The following HK1 variants were observed in gnomAD, a reference collection of about 807,000 sequenced individuals.
HK1 encodes hexokinase-1.
HK1 carries 28 observed loss-of-function variants against 91.6 expected under a neutral mutation model. The observed-to-expected ratio is 0.31, with a 90% confidence interval of 0.23 to 0.42. HK1 has a LOEUF of 0.42. HK1 is among the 10% of genes least tolerant of loss of function. HK1 has a pLI of 1.00. For synonymous variants in HK1, 430 were observed against 468.1 expected, an observed-to-expected ratio of 0.92 and a Z score of 1.05; for missense variants, 770 against 1,219.8, an observed-to-expected ratio of 0.63 and a Z score of 5.49.
intron 2 of HK1, among the ~76,000 whole-genome samples, chr10:69,347,657 A>G (rs536409004): frequency 1.3e-5 from 2 of 152,056 alleles, no homozygotes; most frequent in Non-Finnish European, 2.9e-5. Context: ...ACTGGTCTCG[A>G]ACTCCTGACC....
intron 5 of HK1, 54 bp downstream of exon 5, chr10:69,368,685 C>T: frequency 7.1e-7 from 1 of 1,415,510 alleles, no homozygotes; most frequent in South Asian, 1.2e-5. Flanking sequence ...GGGAGCAGGG[C>T]TGCATTCTAA....
At position 69,380,126 on chromosome 10, in the gene HK1, C is replaced by T. The variant is rs1839315799; in HGVS notation, c.1265+31C>T. ...TCTGCCCTTTGCTATCATTGGCACTCTGTACCCATTGTGGGTAGGGACCTT... is the reference window on the plus strand; with the variant it reads ...TCTGCCCTTTGCTATCATTGGCACTTTGTACCCATTGTGGGTAGGGACCTT... On this transcript the variant is annotated intron_variant, in intron 9 of 17. Transcript: ENST00000359426. The surrounding 1 kb of genome is among the most constrained non-coding windows in gnomAD (Gnocchi z 4.0). 1 of 1,555,562 alleles carries T rather than the reference C, an allele frequency of 6.4e-7. No homozygotes were observed. Among genetic ancestry groups the T allele is most frequent in the Non-Finnish European group, 8.9e-7 (1 of 1,126,548 alleles).
intron 7 of HK1, among the ~76,000 whole-genome samples, chr10:69,374,102 T>G (rs1333140891): frequency 6.6e-6 from 1 of 152,208 alleles, no homozygotes; most frequent in African/African-American, 2.4e-5. Flanking sequence ...GTTGAGTAAC[T>G]GTGCGCCTTC....
rs372257811 is a variant in HK1, at chr10:69,389,208, G to A, written c.1947G>A (p.Leu649=). The A allele has an allele frequency of 5.6e-6, 9 of 1,613,698 alleles. No individual in the cohort carries two copies. The Admixed American group carries it at 6.7e-5, about 12-fold the overall frequency. Reference sequence around the variant, plus strand: ...CTTTCTTTGCAAAGGAATTTGACCTGGACGTGGTGGCTGTGGTCAACGACA... The same window carrying A: ...CTTTCTTTGCAAAGGAATTTGACCTAGACGTGGTGGCTGTGGTCAACGACA... ...DAIKRREEFD[L]DVVAVVNDTV... The change falls in exon 14 of 18, where the codon CTG becomes CTA. Residue 649 remains leucine (L), a synonymous_variant. Transcript: ENST00000359426.
At chr10:69,329,130 A>AT (rs1054801214) in intron 1 of HK1, among the ~76,000 whole-genome samples, 67 of 147,960 alleles carry the variant, frequency 4.5e-4, no homozygotes, top group African/African-American at 1.3e-3. Flanking sequence ...TTGTGTGTGA[A>AT]TTTTTTTTTG....
intron 1 of HK1, among the ~76,000 whole-genome samples, chr10:69,329,160 T>TTCTTC (rs1554814161): frequency 6.6e-6 from 1 of 151,278 alleles, no homozygotes; most frequent in African/African-American, 2.4e-5. Context: ...GCTTTCTTTC[T>TTCTTC]TTCTTCTTCT....
chr10:69,303,225 T>C (rs569806566), intron 5 of HK1, among the ~76,000 whole-genome samples: 1 of 152,290 alleles, frequency 6.6e-6, no homozygotes, highest in East Asian at 1.9e-4. Flanking sequence ...ATGGGGCAGC[T>C]TGATGACAAG....
rs191849526 is a variant in HK1, at chr10:69,286,907, C to A, written c.-214-1764C>A. On this transcript the variant is annotated intron_variant, in intron 2 of 21. Transcript: ENST00000360289. ...CATCAGTGCCTCTGTCGAGGAAGCT[C>A]ATAGAGAAACCAGGGACAAATCCTA... is the stretch of plus-strand genomic sequence containing the variant. Among the ~76,000 whole-genome samples the A allele has an allele frequency of 3.3e-5, 5 of 152,246 alleles. No individual in the cohort carries two copies. In the East Asian group the frequency reaches 9.7e-4, roughly 29 times the overall value.
rs538381307 is a variant in HK1 at position 69,363,800 on chromosome 10, T to C, written c.376-983T>C. 2.5e-4 allele frequency among the ~76,000 whole-genome samples: 38 copies of C among 152,356 alleles called. No homozygotes were observed. The South Asian group carries it at 7.9e-3, about 32-fold the overall frequency. Reference sequence around the variant, plus strand: ...AAGCTAGGGACCCAGTGTTCCAGGCTCTTTCTAGCAGATTCCTAAGATATG... The same window carrying C: ...AAGCTAGGGACCCAGTGTTCCAGGCCCTTTCTAGCAGATTCCTAAGATATG... On this transcript the variant is annotated intron_variant, in intron 3 of 17. Coordinates refer to ENST00000359426, the MANE Select transcript of HK1 (RefSeq NM_000188.3).
intron 1 of HK1, among the ~76,000 whole-genome samples, chr10:69,325,616 C>T (rs1387756315): frequency 4.6e-5 from 7 of 150,794 alleles, no homozygotes; most frequent in Non-Finnish European, 8.8e-5. Context: ...ACCTCCATCT[C>T]GCGGGTTCAA....
At chr10:69,344,957 A>T (rs1432961176) in intron 2 of HK1, among the ~76,000 whole-genome samples, 5 of 151,876 alleles carry the variant, frequency 3.3e-5, no homozygotes, top group African/African-American at 1.2e-4. Context: ...TACAGCTTTC[A>T]CACACCCCTG....
chr10:69,318,569 T>C (rs998094197), upstream of HK1, among the ~76,000 whole-genome samples: 2 of 152,052 alleles, frequency 1.3e-5, no homozygotes, highest in Non-Finnish European at 2.9e-5. Flanking sequence ...CCGCATCGGC[T>C]CCCTACGTGG....
At chr10:69,290,887 A>G (rs1464137232) in intron 3 of HK1, among the ~76,000 whole-genome samples, 2 of 152,192 alleles carry the variant, frequency 1.3e-5, no homozygotes, top group East Asian at 3.8e-4. Flanking sequence ...TGTGGAATCC[A>G]AGGCTCCTGT....
At chr10:69,377,188 T>G in intron 8 of HK1, 99 bp downstream of exon 8, 1 of 1,405,052 alleles carries the variant, frequency 7.1e-7, no homozygotes. Flanking sequence ...GGCTTTTCCT[T>G]CAAGAGTGTC....
chr10:69,281,877 C>T (rs1258188530), intron 1 of HK1, among the ~76,000 whole-genome samples: 2 of 152,160 alleles, frequency 1.3e-5, no homozygotes, highest in Non-Finnish European at 1.5e-5. Context: ...CAAGTCTAGC[C>T]CAGCTCTCTC....
chr10:69,277,310 A>G (rs1844520377), intron 1 of HK1, among the ~76,000 whole-genome samples: 1 of 152,182 alleles, frequency 6.6e-6, no homozygotes, highest in Non-Finnish European at 1.5e-5. Context: ...GCTCATGCCT[A>G]TAATCCTGGC....
intron 2 of HK1, among the ~76,000 whole-genome samples, chr10:69,349,630 C>T (rs1407075731): frequency 1.3e-5 from 2 of 152,198 alleles, no homozygotes; most frequent in Admixed American, 1.3e-4. Context: ...GTCTCACCCC[C>T]AACCCCTGAG....
intron 1 of HK1, among the ~76,000 whole-genome samples, chr10:69,337,727 G>C (rs532340843): frequency 6.6e-6 from 1 of 152,190 alleles, no homozygotes; most frequent in East Asian, 1.9e-4. Flanking sequence ...TCATTTTAAA[G>C]GCCTGCGTCA....
At chr10:69,333,988 G>A (rs1847857269) in intron 1 of HK1, among the ~76,000 whole-genome samples, 1 of 152,172 alleles carries the variant, frequency 6.6e-6, no homozygotes, top group South Asian at 2.1e-4. Context: ...GTGTGCGCCT[G>A]TAGTCCCAGC....
Sources: gnomAD v4.1 joint callset for allele counts (sites outside exome capture counted in the v4.1 genomes callset) on GRCh38, gnomAD v4.1.1 for gene constraint, Gnocchi (gnomAD v3.1) non-coding constraint, MANE v1.5 for transcripts, NCBI Gene and HGNC (gene_info 2026-07-23, HGNC 2026-07-21) for gene names.